ARHGEF12: variants seen among roughly 807,000 people sequenced by gnomAD.
The protein encoded by ARHGEF12 is Rho guanine nucleotide exchange factor 12.
A neutral mutation model predicts 211.2 loss-of-function variants in ARHGEF12; 66 were observed. That is an observed-to-expected ratio of 0.31 (90% confidence interval 0.26 to 0.38). ARHGEF12 has a LOEUF of 0.38. Ranked by LOEUF, ARHGEF12 falls within the 10% of genes least tolerant of loss-of-function variation. The pLI, the probability that ARHGEF12 is intolerant of heterozygous loss-of-function variation, is 1.00. For missense variants in ARHGEF12, 1,429 were observed against 1,869.5 expected (o/e 0.76, Z 4.34); for synonymous variants, 592 against 638.4 (o/e 0.93, Z 1.09).
Position 120,336,990 on chromosome 11 carries a change from C to G in ARHGEF12, c.-254C>G, listed in dbSNP as rs1591469595. ...TCCTTGTGCCTTCTGGAGGATTTCT[C>G]TCTAGCTCGACTCACTCTGGACTGA... is the stretch of plus-strand genomic sequence containing the variant. On this transcript the variant is annotated 5_prime_UTR_variant, in exon 1 of 41. Coordinates refer to ENST00000397843, the MANE Select transcript of ARHGEF12 (RefSeq NM_015313.3). 1.9e-6 allele frequency: 1 copy of G among 519,580 alleles called. No individual in the cohort carries two copies. Among genetic ancestry groups the G allele is most frequent in the South Asian group, 2.8e-5 (1 of 35,434 alleles). The allele number at this position is 519,580 out of a possible 1,614,324, so 32.2% of individuals were successfully genotyped here.
chr11:120,485,274 G>A lies in ARHGEF12; in HGVS notation c.*197G>A. 2 of 569,828 alleles carry A rather than the reference G, an allele frequency of 3.5e-6. No individual in the cohort carries two copies. Among genetic ancestry groups the A allele is most frequent in the East Asian group, 2.9e-5 (1 of 34,882 alleles). The allele number at this position is 569,828 out of a possible 1,614,324, so 35.3% of individuals were successfully genotyped here. A position where few individuals can be genotyped will look rare whatever the true frequency, so the allele number is the denominator to read the frequency against. On this transcript the variant is annotated 3_prime_UTR_variant, in exon 41 of 41. Transcript: ENST00000397843. ...GTGTGGCAGCTGCACTAATCTGTTT[G>A]TGAGGGAATATCCATTCCCTCACTC...
At chr11:120,420,878 C>A in intron 5 of ARHGEF12, 27 bp downstream of exon 5, 1 of 1,573,116 alleles carries the variant, frequency 6.4e-7, no homozygotes, top group South Asian at 1.1e-5. Context: ...AACAATTTAT[C>A]ACTCAGTAAA....
intron 5 of ARHGEF12, 42 bp downstream of exon 5, chr11:120,420,893 G>A: frequency 4.6e-6 from 7 of 1,536,682 alleles, no homozygotes; most frequent in Non-Finnish European, 6.3e-6. Flanking sequence ...AGTAAACAGA[G>A]TAAGAATAGA....
Position 120,455,041 on chromosome 11 carries a change from A to G in ARHGEF12, c.2057-2077A>G, listed in dbSNP as rs1039658044. On this transcript the variant is annotated intron_variant, in intron 22 of 40. Coordinates refer to ENST00000397843, the MANE Select transcript of ARHGEF12 (RefSeq NM_015313.3). ...GATCAGAGTTTAAAGGAAAAAAAAGAAGTCCCTAAAATTAAAGTCAAGGAA... is the reference window on the plus strand; with the variant it reads ...GATCAGAGTTTAAAGGAAAAAAAAGGAGTCCCTAAAATTAAAGTCAAGGAA... 1.9e-4 allele frequency among the ~76,000 whole-genome samples: 29 copies of G among 152,304 alleles called. No homozygotes were observed. In the East Asian group the frequency reaches 2.9e-3, roughly 15 times the overall value.
At chr11:120,445,614 T>C (rs1946019694) in intron 16 of ARHGEF12, 150 bp downstream of exon 16, 2 of 874,216 alleles carry the variant, frequency 2.3e-6, no homozygotes, top group South Asian at 3.0e-5. Flanking sequence ...AAAGAGTAAA[T>C]GAGGCCGGGC....
intron 11 of ARHGEF12, among the ~76,000 whole-genome samples, chr11:120,436,857 T>A (rs1432117428): frequency 6.6e-6 from 1 of 152,174 alleles, no homozygotes; most frequent in Non-Finnish European, 1.5e-5. Context: ...TATAAATGTA[T>A]TAAAATCCAC....
intron 29 of ARHGEF12, among the ~76,000 whole-genome samples, chr11:120,468,597 C>T (rs1299615933): frequency 1.3e-5 from 2 of 152,126 alleles, no homozygotes; most frequent in Non-Finnish European, 2.9e-5. Flanking sequence ...TACAGGCGCA[C>T]GCCACCACAC....
At chr11:120,465,898 G>A (rs985938941) in intron 28 of ARHGEF12, among the ~76,000 whole-genome samples, 2 of 152,184 alleles carry the variant, frequency 1.3e-5, no homozygotes, top group Admixed American at 6.5e-5. Context: ...ACATTGCCAC[G>A]AGGCTTTTAT....
intron 10 of ARHGEF12, among the ~76,000 whole-genome samples, chr11:120,430,649 T>G (rs1945496590): frequency 6.6e-6 from 1 of 152,218 alleles, no homozygotes; most frequent in Non-Finnish European, 1.5e-5. Context: ...TAAAAGCTGT[T>G]TTTTTGTCAC....
chr11:120,342,423 T>C (rs1250994099), intron 1 of ARHGEF12, among the ~76,000 whole-genome samples: 1 of 152,216 alleles, frequency 6.6e-6, no homozygotes, highest in Non-Finnish European at 1.5e-5. Flanking sequence ...GGCTAAATAA[T>C]GCTCTCCTCC....
intron 30 of ARHGEF12, among the ~76,000 whole-genome samples, chr11:120,469,858 G>A (rs1946817870): frequency 6.6e-6 from 1 of 152,186 alleles, no homozygotes; most frequent in Non-Finnish European, 1.5e-5. Flanking sequence ...ATGTTAGGTG[G>A]TGCCTATTAG....
At chr11:120,384,792 C>T (rs1330066957) in intron 1 of ARHGEF12, among the ~76,000 whole-genome samples, 1 of 152,052 alleles carries the variant, frequency 6.6e-6, no homozygotes. Context: ...TATTTTTCCT[C>T]CCCCCATGTT....
rs1008959059 is a variant in ARHGEF12, at chr11:120,458,625, C to T, written c.2380+391C>T. On this transcript the variant is annotated intron_variant, in intron 25 of 40. Coordinates refer to ENST00000397843, the MANE Select transcript of ARHGEF12 (RefSeq NM_015313.3). ...GAAAAAAATTCAGTTCCTGGTCTTTCTGTATCGAAGTGCAGTGTTCTTTAT... is the reference window on the plus strand; with the variant it reads ...GAAAAAAATTCAGTTCCTGGTCTTTTTGTATCGAAGTGCAGTGTTCTTTAT... 4 of 223,958 alleles carry T rather than the reference C, an allele frequency of 1.8e-5. No homozygotes were observed. In the South Asian group the frequency reaches 2.6e-4, roughly 15 times the overall value. 13.9% of individuals were successfully genotyped at this position (223,958 alleles called of 1,614,324 possible).
In ARHGEF12 at chr11:120,409,416, G is replaced by A. The variant is rs772123274; in HGVS notation, c.165G>A (p.Lys55=). The A allele has an allele frequency of 1.2e-6, 2 of 1,613,798 alleles. No homozygotes were observed. Among genetic ancestry groups the A allele is most frequent in the South Asian group, 2.2e-5 (2 of 91,010 alleles). ...CAGATAGCTCCTCCAAGAAGACAAA[G>A]TCTAGTTCAGAGGAGAGTAGATCCG... ...DPTDSSSKKT[K]SSSEESRSEI... is the part of the protein sequence containing the mutation. The change falls in exon 4 of 41, where the codon AAG becomes AAA. Residue 55 remains lysine, a synonymous_variant. Transcript: ENST00000397843.
chr11:120,477,118 T>TGG lies in ARHGEF12; in HGVS notation c.3366-101_3366-100insGG, dbSNP rs1565512816. 45 of 738,022 alleles carry TGG rather than the reference T, an allele frequency of 6.1e-5. No homozygotes were observed. The African/African-American group carries it at 7.6e-4, about 12-fold the overall frequency. The allele number at this position is 738,022 out of a possible 1,614,324, so 45.7% of individuals were successfully genotyped here. ...GTTGTTGTTGTTGTTGTTGTTGTTG[T>TGG]TGGTTGATTTGGTTTTTGTTTAGTT... On this transcript the variant is annotated intron_variant, in intron 34 of 40. Transcript: ENST00000397843.
intron 1 of ARHGEF12, among the ~76,000 whole-genome samples, chr11:120,396,556 C>G (rs759645155): frequency 5.3e-5 from 8 of 152,060 alleles, no homozygotes. Flanking sequence ...AATAGACCCA[C>G]GTATATATGG....
chr11:120,476,848 C>CAGAGG, intron 34 of ARHGEF12, 100 bp downstream of exon 34: 9 of 877,046 alleles, frequency 1.0e-5, no homozygotes, highest in Non-Finnish European at 1.4e-5. Context: ...GTATGGAAAC[C>CAGAGG]AAGCACTTCC....
chr11:120,428,574 C>G (rs893013755), intron 8 of ARHGEF12, among the ~76,000 whole-genome samples: 3 of 152,068 alleles, frequency 2.0e-5, no homozygotes, highest in African/African-American at 4.8e-5. Context: ...TTTACTGTTA[C>G]GTTTCCAGTA....
In ARHGEF12 at chr11:120,487,883, G is replaced by A. The variant is rs567829206; in HGVS notation, c.*2806G>A. On this transcript the variant is annotated 3_prime_UTR_variant, in exon 41 of 41. Coordinates refer to ENST00000397843, the MANE Select transcript of ARHGEF12 (RefSeq NM_015313.3). ...ATTTAACATCATGATTACCACCTTC[G>A]AAGCTATATATTTTGCATACTTTAA... 22 of 219,122 alleles carry A rather than the reference G, an allele frequency of 1.0e-4. No individual in the cohort carries two copies. The South Asian group carries it at 1.1e-3, about 11-fold the overall frequency. The allele number at this position is 219,122 out of a possible 1,614,324, so 13.6% of individuals were successfully genotyped here.
Sources: gnomAD v4.1 joint callset for allele counts (sites outside exome capture counted in the v4.1 genomes callset) on GRCh38, gnomAD v4.1.1 for gene constraint, MANE v1.5 for transcripts, NCBI Gene and HGNC (gene_info 2026-07-23, HGNC 2026-07-21) for gene names.